Variants in INSYN1 observed in about 807,000 individuals in gnomAD.
INSYN1 encodes inhibitory synaptic factor 1.
A neutral mutation model predicts 17.1 loss-of-function variants in INSYN1; 7 were observed. The ratio of observed to expected loss-of-function variants is 0.41; its 90% CI spans 0.23 to 0.77. The LOEUF (loss-of-function observed/expected upper bound fraction) is 0.77. Among genes scored for constraint, INSYN1 ranks in the 30% least tolerant of loss-of-function variants. INSYN1 has a pLI of 0.32. For synonymous variants in INSYN1, 174 were observed against 166.3 expected (o/e 1.05, Z -0.36); for missense variants, 339 against 400.6 (o/e 0.85, Z 1.31).
At position 73,751,954 on chromosome 15, in the gene INSYN1, C is replaced by T. The variant is rs548550390; in HGVS notation, c.-568+156G>A. Among the ~76,000 whole-genome samples, 541 of 147,298 alleles carry T rather than the reference C, an allele frequency of 3.7e-3. 3 individuals carry two copies. The highest frequency in any genetic ancestry group is 0.013 in the African/African-American group (520 of 39,910). ...GGCCGTAGCTCCCGCCCTCCCCCCC[C>T]ACCTTCCCCCCAGCCAGGCCTGCCC... is the stretch of plus-strand genomic sequence containing the variant. On this transcript the variant is annotated intron_variant, in intron 1 of 2. Transcript: ENST00000569673.
Position 73,735,512 on chromosome 15 carries a change from T to C in INSYN1, c.*4405A>G, listed in dbSNP as rs182615586. On this transcript the variant is annotated 3_prime_UTR_variant, in exon 3 of 3. Coordinates refer to ENST00000569673, the MANE Select transcript of INSYN1 (RefSeq NM_001039614.3). ...AATCCATTTGGTGCCAGTCTCCGAG[T>C]CAGGGGTGGTGACATTCAGGTTAAC... is the stretch of plus-strand genomic sequence containing the variant. The C allele has an allele frequency of 6.6e-6, 1 of 152,304 alleles. No homozygotes were observed. The highest frequency in any genetic ancestry group is 6.5e-5 in the Admixed American group (1 of 15,296). The allele number at this position is 152,304 out of a possible 1,614,324, so 9.4% of individuals were successfully genotyped here. A position where few individuals can be genotyped will look rare whatever the true frequency, so the allele number is the denominator to read the frequency against.
chr15:73,741,777 C>T (rs879575050), intron 2 of INSYN1, among the ~76,000 whole-genome samples: 1 of 152,222 alleles, frequency 6.6e-6, no homozygotes, highest in Admixed American at 6.5e-5. Context: ...AACCTGGGGT[C>T]AGAGCAGGCA....
At chr15:73,740,946 CT>C (rs1479823516) in intron 2 of INSYN1, among the ~76,000 whole-genome samples, 3 of 152,202 alleles carry the variant, frequency 2.0e-5, no homozygotes, top group African/African-American at 7.2e-5. Flanking sequence ...TCACTCACCC[CT>C]GTCTCTCAAA....
intron 2 of INSYN1, among the ~76,000 whole-genome samples, chr15:73,743,939 C>A (rs931614842): frequency 1.3e-5 from 2 of 151,266 alleles, no homozygotes; most frequent in African/African-American, 2.4e-5. Flanking sequence ...GGCTCTGGAG[C>A]CAGACATGGA....
chr15:73,743,322 C>A (rs2141466492), intron 2 of INSYN1, among the ~76,000 whole-genome samples: 1 of 152,350 alleles, frequency 6.6e-6, no homozygotes, highest in South Asian at 2.1e-4. Flanking sequence ...AGAAGCCCTT[C>A]CTCTTCTTTA....
Position 73,753,316 on chromosome 15 carries a change from G to A in INSYN1, c.-1774C>T, listed in dbSNP as rs1044049339. Among the ~76,000 whole-genome samples, 6 of 151,168 alleles carry A rather than the reference G, an allele frequency of 4.0e-5. No individual in the cohort carries two copies. The highest frequency in any genetic ancestry group is 8.9e-5 in the Non-Finnish European group (6 of 67,668). On this transcript the variant is annotated 5_prime_UTR_variant, in exon 1 of 3. Transcript: ENST00000569673. The surrounding 1 kb of genome is among the most constrained non-coding windows in gnomAD (Gnocchi z 4.2). ...CCCTTAAAGGCCGCCCGGCTCGCTT[G>A]GCTCCGCTTGCCTCGGCGCTGTCAG...
chr15:73,745,803 C>T (rs536580971), intron 2 of INSYN1, among the ~76,000 whole-genome samples: 878 of 64,394 alleles, frequency 0.014, 5 homozygotes, highest in Non-Finnish European at 0.015. Flanking sequence ...AGCGAGACTC[C>T]GTCTCAAAAA....
intron 2 of INSYN1, among the ~76,000 whole-genome samples, chr15:73,746,860 G>A (rs955194514): frequency 6.6e-6 from 1 of 152,100 alleles, no homozygotes; most frequent in African/African-American, 2.4e-5. Flanking sequence ...GCCAAGGACA[G>A]GGGCCCTTAA....
intron 2 of INSYN1, among the ~76,000 whole-genome samples, chr15:73,741,439 G>C (rs1002683811): frequency 2.0e-5 from 3 of 152,212 alleles, no homozygotes; most frequent in African/African-American, 7.2e-5. Flanking sequence ...CAGCTGTGGA[G>C]GTCACTCCAC....
intron 2 of INSYN1, among the ~76,000 whole-genome samples, chr15:73,742,995 A>T (rs574534449): frequency 4.6e-5 from 7 of 152,334 alleles, no homozygotes; most frequent in African/African-American, 1.7e-4. Flanking sequence ...CTGGGTGAAG[A>T]CCAGCAATTC....
chr15:73,740,738 G>T, intron 2 of INSYN1, 96 bp from the exon 3 acceptor site: 1 of 987,196 alleles, frequency 1.0e-6, no homozygotes. Context: ...GTAGACCCCT[G>T]GCTGATGAGC....
chr15:73,744,071 G>T (rs1030708075), intron 2 of INSYN1, among the ~76,000 whole-genome samples: 1 of 152,134 alleles, frequency 6.6e-6, no homozygotes, highest in Non-Finnish European at 1.5e-5. Context: ...GGGCTGTTGT[G>T]AGGATTTAAT....
rs4887111 is a variant in INSYN1, at chr15:73,735,944, A to G, written c.*3973T>C. 0.38 allele frequency: 58,298 copies of G among 152,386 alleles called. 11,567 individuals are homozygous for G. Among genetic ancestry groups the G allele is most frequent in the East Asian group, 0.58 (2,982 of 5,162 alleles). The allele number at this position is 152,386 out of a possible 1,614,324, so 9.4% of individuals were successfully genotyped here. A position where few individuals can be genotyped will look rare whatever the true frequency, so the allele number is the denominator to read the frequency against. On this transcript the variant is annotated 3_prime_UTR_variant, in exon 3 of 3. Coordinates refer to ENST00000569673, the MANE Select transcript of INSYN1 (RefSeq NM_001039614.3). ...GTGGACATGAGTTATTCATCATGCT[A>G]TGACTTCTCTCCATCACCAGGTTCC... is the stretch of plus-strand genomic sequence containing the variant.
rs1017178078 is a variant in INSYN1, at chr15:73,752,327, C to G, written c.-785G>C. Reference sequence around the variant, plus strand: ...AGGGAAGGGGGCAGGAAAAATCTTTCTCAAGCCTCTCCAGGCTCGGGGTCG... The same window carrying G: ...AGGGAAGGGGGCAGGAAAAATCTTTGTCAAGCCTCTCCAGGCTCGGGGTCG... On this transcript the variant is annotated 5_prime_UTR_variant, in exon 1 of 3. Coordinates refer to ENST00000569673, the MANE Select transcript of INSYN1 (RefSeq NM_001039614.3). This position sits in a 1 kb window ranked among gnomAD's most constrained non-coding sequence, Gnocchi z 5.2. 1 of 152,244 alleles carries G rather than the reference C, an allele frequency of 6.6e-6. No individual in the cohort carries two copies. The highest frequency in any genetic ancestry group is 1.5e-5 in the Non-Finnish European group (1 of 68,098). 9.4% of individuals were successfully genotyped at this position (152,244 alleles called of 1,614,324 possible).
At chr15:73,742,470 C>CA (rs1901713976) in intron 2 of INSYN1, among the ~76,000 whole-genome samples, 1 of 152,162 alleles carries the variant, frequency 6.6e-6, no homozygotes, top group African/African-American at 2.4e-5. Flanking sequence ...CATCTCTGAG[C>CA]ACCTACCATG....
chr15:73,746,978 C>T (rs531480491), intron 2 of INSYN1, among the ~76,000 whole-genome samples: 2 of 152,244 alleles, frequency 1.3e-5, no homozygotes, highest in South Asian at 4.1e-4. Context: ...GTGGGATTCT[C>T]ACTGAGAACG....
Position 73,740,567 on chromosome 15 carries a change from C to T in INSYN1, c.232G>A (p.Val78Met). ...TTGTCACTGCTAGAGGTGCTGCTCACAGTGGCCGTGGTCCAGTCGTCCGGC... is the reference window on the plus strand; with the variant it reads ...TTGTCACTGCTAGAGGTGCTGCTCATAGTGGCCGTGGTCCAGTCGTCCGGC... ...LEPDDWTTAT[V>M]SSTSSSDKAG... is the part of the protein sequence containing the mutation. Residue 78 changes from valine (V) to methionine (M), a missense_variant, in exon 3 of 3, where the codon GTG (valine) becomes ATG (methionine). By Grantham distance (21) the Val-to-Met change is conservative. Coordinates refer to ENST00000569673, the MANE Select transcript of INSYN1 (RefSeq NM_001039614.3). The T allele has an allele frequency of 5.0e-6, 8 of 1,614,154 alleles. No individual in the cohort carries two copies. Among genetic ancestry groups the T allele is most frequent in the Non-Finnish European group, 6.8e-6 (8 of 1,180,020 alleles).
In INSYN1 at chr15:73,735,558, ACT is replaced by A. The variant is rs1232546732; in HGVS notation, c.*4357_*4358del. ...TTAACAGTAACTAAGTTCTCCAAAG[ACT>A]GAGGCATGTTCACATGTTTCCTCAC... On this transcript the variant is annotated 3_prime_UTR_variant, in exon 3 of 3. Transcript: ENST00000569673. 6.6e-6 allele frequency: 1 copy of A among 151,774 alleles called. No homozygotes were observed. Among genetic ancestry groups the A allele is most frequent in the African/African-American group, 2.4e-5 (1 of 41,422 alleles). The allele number at this position is 151,774 out of a possible 1,614,324, so 9.4% of individuals were successfully genotyped here.
At position 73,751,503 on chromosome 15, in the gene INSYN1, A is replaced by G. The variant is rs1901984359; in HGVS notation, c.-373T>C. 3.8e-6 allele frequency: 1 copy of G among 265,398 alleles called. No homozygotes were observed. The highest frequency in any genetic ancestry group is 5.7e-5 in the South Asian group (1 of 17,454). The allele number at this position is 265,398 out of a possible 1,614,324, so 16.4% of individuals were successfully genotyped here. ...GCAGGGGGATGACTCTGCAGGGACT[A>G]AGGGTAAGAGATGCCCTTGGGATGG... On this transcript the variant is annotated 5_prime_UTR_variant, in exon 2 of 3. Coordinates refer to ENST00000569673, the MANE Select transcript of INSYN1 (RefSeq NM_001039614.3).
Sources: gnomAD v4.1 joint callset for allele counts (sites outside exome capture counted in the v4.1 genomes callset) on GRCh38, gnomAD v4.1.1 for gene constraint, Gnocchi (gnomAD v3.1) non-coding constraint, MANE v1.5 for transcripts, NCBI Gene and HGNC (gene_info 2026-07-23, HGNC 2026-07-21) for gene names.